The following NKAIN2 variants were observed in gnomAD, a reference collection of about 807,000 sequenced individuals.
The protein encoded by NKAIN2 is sodium/potassium-transporting ATPase subunit beta-1-interacting protein 2.
A neutral mutation model predicts 32.6 loss-of-function variants in NKAIN2; 14 were observed. The observed-to-expected ratio is 0.43, with a 90% CI of 0.28 to 0.67. The LOEUF (loss-of-function observed/expected upper bound fraction) is 0.67. Ranked by LOEUF, NKAIN2 falls within the 30% of genes least tolerant of loss-of-function variation. The pLI is 0.17. For synonymous variants in NKAIN2, 80 were observed against 87.2 expected, an observed-to-expected ratio of 0.92 and a Z score of 0.46; for missense variants, 198 against 258.3, an observed-to-expected ratio of 0.77 and a Z score of 1.60.
chr6:124,435,658 T>G (rs1222891354), intron 3 of NKAIN2, among the ~76,000 whole-genome samples: 1 of 152,166 alleles, frequency 6.6e-6, no homozygotes, highest in African/African-American at 2.4e-5. Flanking sequence ...ATTAGGAGAC[T>G]TACCACTGAG....
intron 3 of NKAIN2, among the ~76,000 whole-genome samples, chr6:124,377,469 C>T (rs751708777): frequency 1.3e-5 from 2 of 152,090 alleles, no homozygotes; most frequent in African/African-American, 4.8e-5. Context: ...GGACATAGCA[C>T]TGGGACTTAA....
chr6:124,717,241 A>AG (rs2114621929), intron 4 of NKAIN2, among the ~76,000 whole-genome samples: 1 of 152,326 alleles, frequency 6.6e-6, no homozygotes, highest in Admixed American at 6.5e-5. Context: ...AAATTGTAGC[A>AG]CTATTAAGTG....
intron 1 of NKAIN2, among the ~76,000 whole-genome samples, chr6:123,961,388 G>A (rs1350248737): frequency 6.6e-6 from 1 of 152,112 alleles, no homozygotes; most frequent in African/African-American, 2.4e-5. Context: ...AAACACTTTA[G>A]AAAAAATGTG....
intron 4 of NKAIN2, chr6:124,658,613 A>G (rs1784631134): frequency 9.2e-7 from 1 of 1,083,754 alleles, no homozygotes. Context: ...TATCATCAGC[A>G]TTTTACATAG....
intron 1 of NKAIN2, among the ~76,000 whole-genome samples, chr6:123,863,170 A>G (rs1346385008): frequency 2.0e-5 from 3 of 152,204 alleles, no homozygotes; most frequent in East Asian, 3.9e-4. Context: ...AGGGGGAAAC[A>G]TTTATGTTGA....
chr6:124,103,401 C>T (rs544174142), intron 1 of NKAIN2, among the ~76,000 whole-genome samples: 12 of 152,242 alleles, frequency 7.9e-5, no homozygotes, highest in African/African-American at 2.4e-4. Context: ...ATATAGCAGT[C>T]CTGTGCAATT....
At chr6:124,465,589 C>T (rs1445766587) in intron 3 of NKAIN2, among the ~76,000 whole-genome samples, 1 of 149,844 alleles carries the variant, frequency 6.7e-6, no homozygotes, top group African/African-American at 2.5e-5. Flanking sequence ...TGTAACAAAC[C>T]TGCAGGTTCT....
chr6:124,221,117 T>G (rs1302928601), intron 1 of NKAIN2, among the ~76,000 whole-genome samples: 2 of 151,896 alleles, frequency 1.3e-5, no homozygotes, highest in African/African-American at 4.8e-5. Context: ...GTATGTTTAT[T>G]GCGGCACTAT....
intron 1 of NKAIN2, among the ~76,000 whole-genome samples, chr6:124,229,512 A>G (rs1159941077): frequency 2.0e-5 from 3 of 148,494 alleles, no homozygotes; most frequent in Admixed American, 6.7e-5. Flanking sequence ...AGATAGATAG[A>G]TAGATAGATA....
intron 4 of NKAIN2, among the ~76,000 whole-genome samples, chr6:124,665,480 G>A (rs1017750923): frequency 1.3e-5 from 2 of 152,044 alleles, no homozygotes; most frequent in African/African-American, 2.4e-5. Flanking sequence ...GAGCAGAAGG[G>A]GGCAGTACTC....
intron 4 of NKAIN2, among the ~76,000 whole-genome samples, chr6:124,742,474 C>T (rs1373120663): frequency 6.6e-6 from 1 of 151,782 alleles, no homozygotes; most frequent in African/African-American, 2.4e-5. Flanking sequence ...TATCACCCCC[C>T]ACCCCAGATT....
intron 1 of NKAIN2, among the ~76,000 whole-genome samples, chr6:124,282,476 G>A (rs1301939026): frequency 1.3e-5 from 2 of 152,146 alleles, no homozygotes; most frequent in Non-Finnish European, 2.9e-5. Flanking sequence ...CCAGAGAAGG[G>A]AAATGACTTG....
In NKAIN2 at chr6:124,580,901, G is replaced by A. The variant is rs117530957; in HGVS notation, c.274-77285G>A. 2.7e-3 allele frequency among the ~76,000 whole-genome samples: 406 copies of A among 152,088 alleles called. 2 individuals carry two copies. The highest frequency in any genetic ancestry group is 0.017 in the Middle Eastern group (5 of 292). ...AAAACAGAAATAGCTATACTTAGAC[G>A]AAATAGATTTAAAAACAAAAACTAT... On this transcript the variant is annotated intron_variant, in intron 3 of 6. Coordinates refer to ENST00000368417, the MANE Select transcript of NKAIN2 (RefSeq NM_001040214.3).
intron 1 of NKAIN2, among the ~76,000 whole-genome samples, chr6:124,103,104 A>G (rs1784965886): frequency 6.6e-6 from 1 of 152,302 alleles, no homozygotes; most frequent in South Asian, 2.1e-4. Flanking sequence ...TAGGTTACTT[A>G]TCTGTAAAAT....
At chr6:124,434,346 A>T (rs1775346387) in intron 3 of NKAIN2, among the ~76,000 whole-genome samples, 1 of 152,070 alleles carries the variant, frequency 6.6e-6, no homozygotes, top group Non-Finnish European at 1.5e-5. Flanking sequence ...CACACTTAAC[A>T]TTTGCTTTTT....
chr6:124,164,970 G>A (rs1461076043), intron 1 of NKAIN2, among the ~76,000 whole-genome samples: 2 of 152,062 alleles, frequency 1.3e-5, no homozygotes, highest in African/African-American at 4.8e-5. Flanking sequence ...TCATTTAAAT[G>A]ACTTTCATGG....
intron 1 of NKAIN2, among the ~76,000 whole-genome samples, chr6:124,130,180 C>G (rs890417107): frequency 6.6e-6 from 1 of 152,112 alleles, no homozygotes; most frequent in Admixed American, 6.5e-5. Flanking sequence ...AGGTGGCTAC[C>G]CAAGGTAGAA....
chr6:124,735,386 A>G (rs1776886602), intron 4 of NKAIN2, among the ~76,000 whole-genome samples: 1 of 151,984 alleles, frequency 6.6e-6, no homozygotes, highest in South Asian at 2.1e-4. Context: ...AAATGAAAAA[A>G]TCTGCAAAGA....
At chr6:124,430,112 CAATTATTTTTAAGGA>C (rs1206354713) in intron 3 of NKAIN2, among the ~76,000 whole-genome samples, 1 of 151,896 alleles carries the variant, frequency 6.6e-6, no homozygotes, top group Non-Finnish European at 1.5e-5. Flanking sequence ...TTGCCAAGTG[CAATTATTTTTAAGGA>C]AAATGAATTA....
Sources: allele counts gnomAD v4.1 joint callset (sites outside exome capture counted in the v4.1 genomes callset), GRCh38; gene constraint gnomAD v4.1.1; transcripts MANE v1.5; gene names NCBI Gene and HGNC (gene_info 2026-07-23, HGNC 2026-07-21).